The following EML6 variants were observed in gnomAD, a reference collection of about 807,000 sequenced individuals.
EML6 encodes EMAP like 6, also known as echinoderm microtubule-associated protein-like 6.
In EML6, 154 loss-of-function variants were observed where a neutral mutation model predicts 240.1. The observed-to-expected ratio is 0.64, with a 90% confidence interval of 0.56 to 0.73. The LOEUF is 0.73. Among genes scored for constraint, EML6 ranks in the 30% least tolerant of loss-of-function variants. The pLI, the probability that EML6 is intolerant of heterozygous loss-of-function variation, is 0.00. For missense variants in EML6, 2,964 were observed against 2,474.6 expected (o/e 1.20, Z -4.20); for synonymous variants, 1,148 against 899.0 (o/e 1.28, Z -4.95).
At chr2:54,767,264 CA>C (rs1668220980) in intron 2 of EML6, among the ~76,000 whole-genome samples, 1 of 152,028 alleles carries the variant, frequency 6.6e-6, no homozygotes, top group East Asian at 1.9e-4. Context: ...AAGCCCTATT[CA>C]ATGAAGAAGA....
chr2:54,798,601 C>G (rs893697177), intron 2 of EML6, among the ~76,000 whole-genome samples: 1 of 152,076 alleles, frequency 6.6e-6, no homozygotes, highest in African/African-American at 2.4e-5. Flanking sequence ...CTACCGGTAC[C>G]TACAAATTGA....
Position 54,866,781 on chromosome 2 carries a change from C to A in EML6, c.1948C>A (p.Leu650Ile), listed in dbSNP as rs139993815. ...NYDRQVYKED[L>I]PQLKQQSKEK... ...GTACTTTAAGGTTTACAAAGAAGATCTACCTCAGCTAAAGCAACAAAGTAA... is the reference window on the plus strand; with the variant it reads ...GTACTTTAAGGTTTACAAAGAAGATATACCTCAGCTAAAGCAACAAAGTAA... The change falls in exon 14 of 42, where the codon CTA becomes ATA. Residue 650 changes from leucine to isoleucine, a missense_variant. By Grantham distance (5) the Leu-to-Ile change is conservative. Transcript: ENST00000356458. The A allele has an allele frequency of 6.5e-7, 1 of 1,549,834 alleles. No individual in the cohort carries two copies. Among genetic ancestry groups the A allele is most frequent in the Non-Finnish European group, 8.7e-7 (1 of 1,145,420 alleles).
intron 12 of EML6, among the ~76,000 whole-genome samples, chr2:54,862,920 G>C (rs1230958213): frequency 6.6e-6 from 1 of 152,224 alleles, no homozygotes; most frequent in East Asian, 1.9e-4. Flanking sequence ...GTAACAGGCA[G>C]TGGGTCTGTT....
At chr2:54,828,999 T>C (rs949831806) in intron 6 of EML6, among the ~76,000 whole-genome samples, 1 of 152,210 alleles carries the variant, frequency 6.6e-6, no homozygotes, top group African/African-American at 2.4e-5. Context: ...ATGAAACACC[T>C]CCATAGTTGT....
chr2:54,850,351 C>T, intron 10 of EML6, 133 bp downstream of exon 10: 1 of 718,420 alleles, frequency 1.4e-6, no homozygotes, highest in Admixed American at 2.9e-5. Context: ...GAAAGCACCC[C>T]CACCTCAGGG....
chr2:54,925,514 A>T (rs1674495855), intron 26 of EML6, among the ~76,000 whole-genome samples: 2 of 152,162 alleles, frequency 1.3e-5, no homozygotes, highest in Non-Finnish European at 2.9e-5. Flanking sequence ...TGCTAAAATC[A>T]CGTCACTATC....
At chr2:54,893,989 C>G (rs1395142531) in intron 19 of EML6, among the ~76,000 whole-genome samples, 1 of 152,006 alleles carries the variant, frequency 6.6e-6, no homozygotes, top group African/African-American at 2.4e-5. Flanking sequence ...GTAAATTAAG[C>G]TGCAAAATCA....
At chr2:54,961,483 G>C (rs1274055992) in intron 35 of EML6, among the ~76,000 whole-genome samples, 1 of 151,564 alleles carries the variant, frequency 6.6e-6, no homozygotes, top group African/African-American at 2.4e-5. Flanking sequence ...CATCACACCT[G>C]GCCAGGAAGC....
chr2:54,800,664 A>G (rs1014674913), intron 2 of EML6, among the ~76,000 whole-genome samples: 6 of 151,980 alleles, frequency 3.9e-5, no homozygotes, highest in Non-Finnish European at 8.8e-5. Context: ...CCTGGCTCCA[A>G]CCCCTAGGAC....
intron 7 of EML6, 141 bp downstream of exon 7, chr2:54,829,618 A>G (rs1668766811): frequency 1.6e-6 from 1 of 623,610 alleles, no homozygotes; most frequent in East Asian, 3.0e-5. Flanking sequence ...GTATGTTAAA[A>G]GTAAATGGAT....
rs1031077336 is a variant in EML6 at position 54,964,663 on chromosome 2, T to C, written c.5423T>C (p.Ile1808Thr). 4.1e-5 allele frequency: 63 copies of C among 1,552,240 alleles called. No homozygotes were observed. The highest frequency in any genetic ancestry group is 1.4e-4 in the African/African-American group (10 of 73,066). The change falls in exon 38 of 42, where the codon ATT (isoleucine) becomes ACT (threonine). Residue 1808 changes from isoleucine to threonine, a missense_variant. Transcript: ENST00000356458. ...ACTCAGGGCACAAATCTGAACCGCATTGGCTACTGCAAAGATATCCCAAGC... is the reference window on the plus strand; with the variant it reads ...ACTCAGGGCACAAATCTGAACCGCACTGGCTACTGCAAAGATATCCCAAGC... ...DLTQGTNLNR[I>T]GYCKDIPSFV...
intron 7 of EML6, among the ~76,000 whole-genome samples, chr2:54,838,379 G>T (rs1419067825): frequency 1.3e-5 from 2 of 152,236 alleles, no homozygotes; most frequent in Non-Finnish European, 2.9e-5. Flanking sequence ...ATGCTATGAA[G>T]TGTGAGTGCT....
intron 26 of EML6, among the ~76,000 whole-genome samples, chr2:54,919,995 C>T (rs896416649): frequency 3.9e-5 from 6 of 152,018 alleles, no homozygotes; most frequent in African/African-American, 7.2e-5. Context: ...ACACATAAGA[C>T]GAGAGAATAA....
intron 17 of EML6, among the ~76,000 whole-genome samples, chr2:54,888,857 C>T (rs1213023026): frequency 2.0e-5 from 3 of 152,166 alleles, no homozygotes; most frequent in African/African-American, 7.2e-5. Flanking sequence ...CATAAGTTTT[C>T]AGCTTATTTA....
chr2:54,936,021 C>G (rs1675117389), intron 28 of EML6, among the ~76,000 whole-genome samples: 2 of 152,188 alleles, frequency 1.3e-5, no homozygotes, highest in African/African-American at 4.8e-5. Context: ...CAGAGCGAGA[C>G]CCTGTCCGTG....
rs1672539979 is a variant in EML6 at position 54,892,713 on chromosome 2, A to C, written c.2742+57A>C. On this transcript the variant is annotated intron_variant, in intron 19 of 41. Coordinates refer to ENST00000356458, the MANE Select transcript of EML6 (RefSeq NM_001039753.4). ...CATCAGCCTTCTAAAATTATAAGGTAGTCTTAGGATGGCCCAAGAGGATGC... is the reference window on the plus strand; with the variant it reads ...CATCAGCCTTCTAAAATTATAAGGTCGTCTTAGGATGGCCCAAGAGGATGC... 5.7e-6 allele frequency: 8 copies of C among 1,395,336 alleles called. No homozygotes were observed. The South Asian group carries it at 9.3e-5, about 16-fold the overall frequency. 86.4% of individuals were successfully genotyped at this position (1,395,336 alleles called of 1,614,324 possible).
At chr2:54,808,893 T>C (rs1323449012) in intron 2 of EML6, among the ~76,000 whole-genome samples, 1 of 152,248 alleles carries the variant, frequency 6.6e-6, no homozygotes, top group African/African-American at 2.4e-5. Flanking sequence ...GATAGGTTGA[T>C]GAAAGTCCTT....
At chr2:54,801,766 G>A (rs1670162933) in intron 2 of EML6, among the ~76,000 whole-genome samples, 1 of 152,108 alleles carries the variant, frequency 6.6e-6, no homozygotes, top group Non-Finnish European at 1.5e-5. Flanking sequence ...TCACAAACGT[G>A]GTTATTATTT....
chr2:54,947,954 C>A (rs560969329), intron 28 of EML6, among the ~76,000 whole-genome samples: 1 of 152,182 alleles, frequency 6.6e-6, no homozygotes. Flanking sequence ...GTTGCTAATG[C>A]GGCTCTAAAC....
Sources: allele counts gnomAD v4.1 joint callset (sites outside exome capture counted in the v4.1 genomes callset), GRCh38; gene constraint gnomAD v4.1.1; transcripts MANE v1.5; gene names NCBI Gene and HGNC (gene_info 2026-07-23, HGNC 2026-07-21).